Variants in ATP8A1 observed in about 807,000 individuals in gnomAD.
ATP8A1 encodes the protein phospholipid-transporting ATPase IA.
Under a neutral mutation model 177.7 loss-of-function variants are expected in ATP8A1, and 90 were observed. The ratio of observed to expected loss-of-function variants is 0.51; its 90% CI spans 0.43 to 0.60. The LOEUF (loss-of-function observed/expected upper bound fraction) is 0.60, where lower values mean the gene tolerates loss of function less well. Among genes scored for constraint, ATP8A1 ranks in the 20% least tolerant of loss-of-function variants. The pLI is 0.00. For synonymous variants in ATP8A1, 493 were observed against 485.9 expected (o/e 1.01, Z -0.19); for missense variants, 1,072 against 1,392.8 (o/e 0.77, Z 3.67).
intron 19 of ATP8A1, among the ~76,000 whole-genome samples, chr4:42,544,604 T>G (rs1033144152): frequency 6.6e-6 from 1 of 152,212 alleles, no homozygotes; most frequent in African/African-American, 2.4e-5. Flanking sequence ...CTGTCAAATG[T>G]ACATCTTTCA....
chr4:42,578,132 G>C (rs1732660075), intron 12 of ATP8A1, 128 bp downstream of exon 12: 1 of 903,216 alleles, frequency 1.1e-6, no homozygotes, highest in African/African-American at 1.7e-5. Flanking sequence ...AACAAATTAG[G>C]TTCAAAAATC....
At chr4:42,423,489 T>G (rs1489170727) in intron 34 of ATP8A1, 128 bp downstream of exon 34, 2 of 507,864 alleles carry the variant, frequency 3.9e-6, no homozygotes, top group African/African-American at 2.0e-5. Context: ...CTTCCTTATT[T>G]AAAATTAAGT....
At chr4:42,572,510 A>G (rs754356740) in intron 14 of ATP8A1, among the ~76,000 whole-genome samples, 6 of 152,206 alleles carry the variant, frequency 3.9e-5, no homozygotes, top group Non-Finnish European at 7.3e-5. Context: ...CTACGATGCT[A>G]ACAGTCCAAT....
chr4:42,550,196 CTTTTTTT>C (rs34752933), intron 18 of ATP8A1, among the ~76,000 whole-genome samples: 86 of 141,074 alleles, frequency 6.1e-4, no homozygotes, highest in Non-Finnish European at 9.8e-4. Context: ...TTGTGTCTGG[CTTTTTTT>C]TTTTTTTTTG....
At chr4:42,642,109 C>T (rs1354267216) in intron 1 of ATP8A1, among the ~76,000 whole-genome samples, 1 of 152,146 alleles carries the variant, frequency 6.6e-6, no homozygotes, top group Non-Finnish European at 1.5e-5. Context: ...CATACACTGT[C>T]CACAAACAAG....
chr4:42,433,415 G>A (rs993708617), intron 33 of ATP8A1, among the ~76,000 whole-genome samples: 8 of 152,178 alleles, frequency 5.3e-5, no homozygotes, highest in South Asian at 2.1e-4. Flanking sequence ...CACTGAACCC[G>A]GTATAGGTCC....
chr4:42,611,003 C>T (rs1303598620), intron 5 of ATP8A1, among the ~76,000 whole-genome samples: 1 of 152,168 alleles, frequency 6.6e-6, no homozygotes, highest in African/African-American at 2.4e-5. Context: ...CTTTGAACAG[C>T]ACTGAAATGA....
chr4:42,631,024 T>C (rs780128810), intron 1 of ATP8A1, among the ~76,000 whole-genome samples: 2 of 152,190 alleles, frequency 1.3e-5, no homozygotes, highest in African/African-American at 2.4e-5. Context: ...GTAATAGATA[T>C]TGTAAATGTC....
At chr4:42,528,650 C>T (rs1293775030) in intron 20 of ATP8A1, among the ~76,000 whole-genome samples, 9 of 152,050 alleles carry the variant, frequency 5.9e-5, no homozygotes, top group Non-Finnish European at 1.3e-4. Flanking sequence ...AAGCAATTTG[C>T]CTTCAACATA....
chr4:42,620,037 C>T (rs1737311972), intron 4 of ATP8A1, among the ~76,000 whole-genome samples: 1 of 152,178 alleles, frequency 6.6e-6, no homozygotes, highest in Admixed American at 6.5e-5. Context: ...ACATATGAGA[C>T]ATGATTACCA....
chr4:42,575,787 C>T, intron 12 of ATP8A1, 88 bp from the exon 13 acceptor site: 4 of 1,066,824 alleles, frequency 3.7e-6, no homozygotes, highest in Non-Finnish European at 2.8e-6. Flanking sequence ...TATATTCGTA[C>T]TTCAATAAGT....
chr4:42,582,547 A>T (rs988227766), intron 9 of ATP8A1, among the ~76,000 whole-genome samples: 1 of 133,388 alleles, frequency 7.5e-6, no homozygotes. Context: ...AGCTTTGTAC[A>T]TAATAAAGGT....
At position 42,524,776 on chromosome 4, in the gene ATP8A1, C is replaced by T; in HGVS notation, c.1794G>A (p.Gln598=). The T allele has an allele frequency of 6.2e-7, 1 of 1,604,696 alleles. No individual in the cohort carries two copies. The highest frequency in any genetic ancestry group is 8.5e-7 in the Non-Finnish European group (1 of 1,174,964). Residue 598 remains glutamine (Q), a synonymous_variant, in exon 21 of 37, where the codon CAG becomes CAA. Transcript: ENST00000381668. The part of the protein sequence containing the change: ...YKEITLKHLE[Q]FATEGLRTLC... The stretch of plus-strand genomic sequence containing the variant: ...AATTACACTTACCTTCTGTAGCAAA[C>T]TGCTCTAAATGTTTTAGGGTAATTT...
In ATP8A1 at chr4:42,618,852, A is replaced by AT. The variant is rs572810562; in HGVS notation, c.364-2775dup. ...TACCTGCTGAGTCTAATATATCTTC[A>AT]TTTTTTTTACACTAACAACTAGAAT... On this transcript the variant is annotated intron_variant, in intron 4 of 36. Transcript: ENST00000381668. 3.9e-4 allele frequency among the ~76,000 whole-genome samples: 60 copies of AT among 151,906 alleles called. 1 individual carries two copies. The highest frequency in any genetic ancestry group is 1.7e-3 in the South Asian group (8 of 4,812).
At chr4:42,564,765 G>A (rs1005252950) in intron 15 of ATP8A1, among the ~76,000 whole-genome samples, 1 of 152,154 alleles carries the variant, frequency 6.6e-6, no homozygotes, top group African/African-American at 2.4e-5. Context: ...TAAGACTTTG[G>A]GGAATTGTTA....
At position 42,439,437 on chromosome 4, in the gene ATP8A1, A is replaced by G. The variant is rs372484633; in HGVS notation, c.3123+4128T>C. Among the ~76,000 whole-genome samples the G allele has an allele frequency of 9.8e-5, 15 of 152,370 alleles. No homozygotes were observed. The East Asian group carries it at 2.7e-3, about 27-fold the overall frequency. ...TATGTGAGCTGAAAGCTGCTTCTCT[A>G]TAACCTCTATTTCACTGTTTCTCAT... is the stretch of plus-strand genomic sequence containing the variant. On this transcript the variant is annotated intron_variant, in intron 33 of 36. Transcript: ENST00000381668.
chr4:42,435,426 C>CAAAAAAAA lies in ATP8A1; in HGVS notation c.3123+8131_3123+8138dup, dbSNP rs55945370. 1.3e-3 allele frequency among the ~76,000 whole-genome samples: 126 copies of CAAAAAAAA among 93,878 alleles called. 1 individual carries two copies. Among genetic ancestry groups the CAAAAAAAA allele is most frequent in the African/African-American group, 2.9e-3 (76 of 26,654 alleles). The allele number at this position is 93,878 out of a possible 152,430, so 61.6% of individuals were successfully genotyped here. ...GGGGGACAAGAGCGAGACTTCATCT[C>CAAAAAAAA]AAAAAAAAAAAAAAAAAAAAAAACA... On this transcript the variant is annotated intron_variant, in intron 33 of 36. Coordinates refer to ENST00000381668, the MANE Select transcript of ATP8A1 (RefSeq NM_006095.2).
At chr4:42,555,133 C>CCTAT (rs1729994771) in intron 16 of ATP8A1, among the ~76,000 whole-genome samples, 2 of 73,812 alleles carry the variant, frequency 2.7e-5, no homozygotes, top group African/African-American at 1.2e-4. Context: ...ATCTATCTAT[C>CCTAT]TATCTAATCT....
intron 1 of ATP8A1, among the ~76,000 whole-genome samples, chr4:42,643,851 AAC>A (rs1196820945): frequency 2.6e-5 from 4 of 152,218 alleles, no homozygotes; most frequent in Admixed American, 2.6e-4. Flanking sequence ...GAAGGGCCAG[AAC>A]ACACATATCA....
Sources: allele counts gnomAD v4.1 joint callset (sites outside exome capture counted in the v4.1 genomes callset), GRCh38; gene constraint gnomAD v4.1.1; transcripts MANE v1.5; gene names NCBI Gene and HGNC (gene_info 2026-07-23, HGNC 2026-07-21).